The following KIAA1671 variants were observed in gnomAD, a reference collection of about 807,000 sequenced individuals.
KIAA1671 encodes uncharacterized protein KIAA1671.
Under a neutral mutation model 131.2 loss-of-function variants are expected in KIAA1671, and 52 were observed. The observed-to-expected ratio is 0.40, with a 90% CI of 0.32 to 0.50. The LOEUF (loss-of-function observed/expected upper bound fraction) is 0.50. Among genes scored for constraint, KIAA1671 ranks in the 20% least tolerant of loss-of-function variants. KIAA1671 has a pLI of 0.73. For missense variants in KIAA1671, 2,360 were observed against 2,364.2 expected (o/e 1.00, Z 0.04); for synonymous variants, 1,003 against 961.6 (o/e 1.04, Z -0.80).
At chr22:25,088,362 C>T (rs1929845641) in intron 6 of KIAA1671, among the ~76,000 whole-genome samples, 1 of 152,184 alleles carries the variant, frequency 6.6e-6, no homozygotes, top group Non-Finnish European at 1.5e-5. Context: ...TGGCCTTGGC[C>T]TCCCAAAGTG....
At chr22:24,961,379 C>G (rs8135694) in intron 1 of KIAA1671, among the ~76,000 whole-genome samples, 1 of 152,212 alleles carries the variant, frequency 6.6e-6, no homozygotes, top group Non-Finnish European at 1.5e-5. Context: ...TCTGGACATA[C>G]GTGGTCCCTG....
At chr22:24,959,523 A>G (rs1375209932) in intron 1 of KIAA1671, among the ~76,000 whole-genome samples, 1 of 152,056 alleles carries the variant, frequency 6.6e-6, no homozygotes, top group African/African-American at 2.4e-5. Flanking sequence ...CTCTGTCTCA[A>G]AAAGTAAAAA....
At chr22:24,961,929 T>A (rs1922039948) in intron 1 of KIAA1671, among the ~76,000 whole-genome samples, 1 of 152,120 alleles carries the variant, frequency 6.6e-6, no homozygotes, top group Non-Finnish European at 1.5e-5. Context: ...GGAGACCTGG[T>A]TTGAGTTTAT....
At chr22:25,074,590 C>T (rs9306410) in intron 6 of KIAA1671, among the ~76,000 whole-genome samples, 71,655 of 147,860 alleles carry the variant, frequency 0.48, 17,774 homozygotes, top group African/African-American at 0.61. Flanking sequence ...TGTGTGTGTG[C>T]GTGTATATAT....
chr22:25,011,634 CTTTTTTTTTTTT>C (rs35127110), intron 1 of KIAA1671: 1 of 87,760 alleles, frequency 1.1e-5, no homozygotes, highest in Non-Finnish European at 2.5e-5. Flanking sequence ...CTTTTCTTTT[CTTTTTTTTTTTT>C]TTTTTTTTGG....
intron 1 of KIAA1671, among the ~76,000 whole-genome samples, chr22:24,995,356 T>G (rs1445604870): frequency 1.1e-5 from 1 of 94,088 alleles, no homozygotes; most frequent in Non-Finnish European, 2.1e-5. Context: ...CCGGCCAAGG[T>G]TTTTTTTTTT....
At chr22:25,008,408 G>A (rs534854772) in intron 1 of KIAA1671, among the ~76,000 whole-genome samples, 1 of 152,024 alleles carries the variant, frequency 6.6e-6, no homozygotes, top group Admixed American at 6.6e-5. Context: ...GTAAAATGGG[G>A]TTAATAATAA....
intron 1 of KIAA1671, among the ~76,000 whole-genome samples, chr22:24,970,070 T>C (rs2123812050): frequency 6.6e-6 from 1 of 152,294 alleles, no homozygotes; most frequent in Middle Eastern, 3.4e-3. Flanking sequence ...CTGATCTTTA[T>C]CACTCCGGGA....
chr22:24,993,686 TGA>T (rs758475065), intron 1 of KIAA1671, among the ~76,000 whole-genome samples: 2 of 152,198 alleles, frequency 1.3e-5, no homozygotes, highest in Admixed American at 6.5e-5. Flanking sequence ...CAGGAAATTG[TGA>T]GTTTATCCAC....
Position 25,039,500 on chromosome 22 carries a change from G to A in KIAA1671, c.2370G>A (p.Ala790=), listed in dbSNP as rs970940713. 6.4e-6 allele frequency: 10 copies of A among 1,551,792 alleles called. No individual in the cohort carries two copies. Among genetic ancestry groups the A allele is most frequent in the South Asian group, 1.2e-5 (1 of 84,064 alleles). The change falls in exon 5 of 13, where the codon GCG becomes GCA. Residue 790 remains alanine, a synonymous_variant. Coordinates refer to ENST00000358431, the MANE Select transcript of KIAA1671 (RefSeq NM_001145206.2). ...ADLECGLEGQ[A]GSVQRASLIW... ...TGGAGTGTGGTTTGGAAGGTCAGGC[G>A]GGGTCCGTCCAAAGGGCCAGTTTGA...
chr22:25,179,309 T>A, intron 9 of KIAA1671: 1 of 1,580,654 alleles, frequency 6.3e-7, no homozygotes, highest in Non-Finnish European at 8.6e-7. Context: ...TCCCGGGCCC[T>A]TAGCCCGACA....
intron 1 of KIAA1671, among the ~76,000 whole-genome samples, chr22:25,005,880 G>A (rs1924724729): frequency 6.6e-6 from 1 of 152,132 alleles, no homozygotes; most frequent in Admixed American, 6.5e-5. Flanking sequence ...CTCTCTCTGA[G>A]CCTCAGTTTC....
At chr22:25,002,938 G>A (rs1356587758) in intron 1 of KIAA1671, among the ~76,000 whole-genome samples, 2 of 152,060 alleles carry the variant, frequency 1.3e-5, no homozygotes, top group Non-Finnish European at 2.9e-5. Context: ...AGCCCCCAGT[G>A]CCCAGCTAAT....
At chr22:25,162,593 T>G (rs1276526196) in intron 6 of KIAA1671, among the ~76,000 whole-genome samples, 2 of 152,232 alleles carry the variant, frequency 1.3e-5, no homozygotes, top group African/African-American at 4.8e-5. Context: ...GAAACATATT[T>G]CTCCAACAAA....
chr22:25,108,005 C>G (rs1256664494), intron 6 of KIAA1671, among the ~76,000 whole-genome samples: 2 of 151,542 alleles, frequency 1.3e-5, no homozygotes, highest in Non-Finnish European at 2.9e-5. Flanking sequence ...AAGACTTTGT[C>G]TCAAAAAAAA....
intron 4 of KIAA1671, among the ~76,000 whole-genome samples, chr22:25,034,181 G>C (rs1334056507): frequency 6.6e-6 from 1 of 151,864 alleles, no homozygotes; most frequent in Non-Finnish European, 1.5e-5. Context: ...GAGTAGCTTG[G>C]ATTACAGGCA....
At chr22:25,152,827 A>T (rs1006162105) in intron 6 of KIAA1671, among the ~76,000 whole-genome samples, 3 of 151,924 alleles carry the variant, frequency 2.0e-5, no homozygotes, top group Admixed American at 6.6e-5. Flanking sequence ...CTGGTCTCGA[A>T]CTCCTGACCT....
At chr22:25,017,369 C>A (rs1382479935) in intron 1 of KIAA1671, among the ~76,000 whole-genome samples, 1 of 152,050 alleles carries the variant, frequency 6.6e-6, no homozygotes, top group Non-Finnish European at 1.5e-5. Flanking sequence ...GGCGACAGAG[C>A]AAGACTCCAT....
At chr22:25,120,077 G>A (rs1371691969) in intron 6 of KIAA1671, among the ~76,000 whole-genome samples, 1 of 152,204 alleles carries the variant, frequency 6.6e-6, no homozygotes, top group Non-Finnish European at 1.5e-5. Flanking sequence ...GGCACAGGTT[G>A]TTACTAATAC....
Sources: allele counts gnomAD v4.1 joint callset (sites outside exome capture counted in the v4.1 genomes callset), GRCh38; gene constraint gnomAD v4.1.1; transcripts MANE v1.5; gene names NCBI Gene and HGNC (gene_info 2026-07-23, HGNC 2026-07-21).